CREBBP: variants seen among roughly 807,000 people sequenced by gnomAD.
The protein encoded by CREBBP is CREB-binding protein.
CREBBP carries 19 observed loss-of-function variants against 265.0 expected under a neutral mutation model. That is an observed-to-expected ratio of 0.07 (90% CI 0.05 to 0.11). CREBBP has a LOEUF of 0.11. Among genes scored for constraint, CREBBP ranks in the 10% least tolerant of loss-of-function variants. The pLI is 1.00. For missense variants in CREBBP, 2,525 were observed against 3,219.0 expected, an observed-to-expected ratio of 0.78 and a Z score of 5.22; for synonymous variants, 1,457 against 1,223.7, an observed-to-expected ratio of 1.19 and a Z score of -3.98.
intron 1 of CREBBP, among the ~76,000 whole-genome samples, chr16:3,859,769 G>A (rs1431216572): frequency 2.0e-5 from 3 of 152,208 alleles, no homozygotes; most frequent in Non-Finnish European, 4.4e-5. Flanking sequence ...ACACATGGAG[G>A]TTCCTGAAGA....
rs531001492 is a variant in CREBBP, at chr16:3,817,137, G to T, written c.799-6358C>A. ...TGGTTTTCAGAATGGTGAAACGGGT[G>T]TGTGTGATCACAGCAGATACACAAG... On this transcript the variant is annotated intron_variant, in intron 2 of 30. Coordinates refer to ENST00000262367, the MANE Select transcript of CREBBP (RefSeq NM_004380.3). Among the ~76,000 whole-genome samples, 6 of 152,334 alleles carry T rather than the reference G, an allele frequency of 3.9e-5. 1 individual carries two copies. The South Asian group carries it at 1.0e-3, about 26-fold the overall frequency.
chr16:3,792,869 C>A (rs1402351071), intron 4 of CREBBP, among the ~76,000 whole-genome samples: 1 of 152,224 alleles, frequency 6.6e-6, no homozygotes, highest in Non-Finnish European at 1.5e-5. Flanking sequence ...TGGGATGATA[C>A]AGTGCATAGT....
At chr16:3,814,499 A>G (rs889363658) in intron 2 of CREBBP, among the ~76,000 whole-genome samples, 1 of 151,970 alleles carries the variant, frequency 6.6e-6, no homozygotes, top group African/African-American at 2.4e-5. Context: ...CAAGTGATCC[A>G]TACACCTCAA....
At chr16:3,754,558 A>G (rs2052545779) in intron 19 of CREBBP, among the ~76,000 whole-genome samples, 1 of 152,196 alleles carries the variant, frequency 6.6e-6, no homozygotes, top group Admixed American at 6.5e-5. Context: ...GGAACTGCAT[A>G]GTTTATCTGT....
chr16:3,827,027 C>T (rs1226846544), intron 2 of CREBBP, among the ~76,000 whole-genome samples: 5 of 152,030 alleles, frequency 3.3e-5, no homozygotes, highest in East Asian at 3.9e-4. Flanking sequence ...TCAGTTGCAC[C>T]GCCTGTAGTT....
rs2151299878 is a variant in CREBBP at position 3,728,039 on chromosome 16, G to C, written c.7008C>G (p.Ala2336=). 6.2e-7 allele frequency: 1 copy of C among 1,612,484 alleles called. No homozygotes were observed. Among genetic ancestry groups the C allele is most frequent in the African/African-American group, 1.3e-5 (1 of 75,034 alleles). The change falls in exon 31 of 31, where the codon GCC becomes GCG. Residue 2336 remains alanine (A), a synonymous_variant. Transcript: ENST00000262367. This position sits in a 1 kb window ranked among gnomAD's most constrained non-coding sequence, Gnocchi z 8.7. ...QASHLPGQQI[A]TSLSNQVRSP... ...ACCGCACCTGGTTACTAAGGGACGT[G>C]GCGATCTGCTGGCCAGGGAGATGCG... is the stretch of plus-strand genomic sequence containing the variant.
At chr16:3,735,233 T>G (rs2052022827) in intron 28 of CREBBP, among the ~76,000 whole-genome samples, 1 of 152,190 alleles carries the variant, frequency 6.6e-6, no homozygotes, top group Non-Finnish European at 1.5e-5. Flanking sequence ...CACACCATGC[T>G]TGGGTCTGGG....
At chr16:3,759,011 G>A (rs1440348757) in intron 16 of CREBBP, 39 bp from the exon 17 acceptor site, 3 of 1,468,574 alleles carry the variant, frequency 2.0e-6, no homozygotes, top group Non-Finnish European at 1.9e-6. Flanking sequence ...TTTGTAAAAG[G>A]TGCTCAGATC....
In CREBBP at chr16:3,757,815, T is replaced by C; in HGVS notation, c.3603A>G (p.Gly1201=). Residue 1201 remains glycine, a synonymous_variant, in exon 18 of 31, where the codon GGA becomes GGG. Coordinates refer to ENST00000262367, the MANE Select transcript of CREBBP (RefSeq NM_004380.3). ...GAAAAACTTAAAACTGTACCTTGCG[T>C]CCACAGCAATATCCAAGGGACTGCA... ...PVMQSLGYCC[G]RKYEFSPQTL... 6.2e-7 allele frequency: 1 copy of C among 1,614,148 alleles called. No homozygotes were observed. The highest frequency in any genetic ancestry group is 8.5e-7 in the Non-Finnish European group (1 of 1,180,034).
intron 1 of CREBBP, among the ~76,000 whole-genome samples, chr16:3,877,429 G>T (rs945136050): frequency 6.6e-6 from 1 of 152,314 alleles, no homozygotes; most frequent in Non-Finnish European, 1.5e-5. Flanking sequence ...TGGAGACAGC[G>T]TCTCACTCCA....
rs910861282 is a variant in CREBBP at position 3,852,157 on chromosome 16, G to GTTTT, written c.86-1152_86-1149dup. On this transcript the variant is annotated intron_variant, in intron 1 of 30. Transcript: ENST00000262367. ...GGACAGTAAAGCCAATCTTAAATTTGTTTTTTTTTTTTTTTTTTTTTTTTT... is the reference window on the plus strand; with the variant it reads ...GGACAGTAAAGCCAATCTTAAATTTGTTTTTTTTTTTTTTTTTTTTTTTTTTTTT... 3.7e-4 allele frequency among the ~76,000 whole-genome samples: 19 copies of GTTTT among 50,914 alleles called. 3 individuals are homozygous for GTTTT. The highest frequency in any genetic ancestry group is 6.9e-4 in the South Asian group (1 of 1,456). The allele number at this position is 50,914 out of a possible 152,430, so 33.4% of individuals were successfully genotyped here. A position where few individuals can be genotyped will look rare whatever the true frequency, so the allele number is the denominator to read the frequency against.
intron 1 of CREBBP, among the ~76,000 whole-genome samples, chr16:3,855,522 C>T (rs796295397): frequency 4.6e-5 from 7 of 152,212 alleles, no homozygotes; most frequent in African/African-American, 1.7e-4. Flanking sequence ...GCCTAAGCCT[C>T]CCAAAGTGCT....
chr16:3,810,917 T>C (rs575756342), intron 2 of CREBBP, 138 bp from the exon 3 acceptor site: 111 of 861,402 alleles, frequency 1.3e-4, no homozygotes, highest in Admixed American at 1.0e-3. Context: ...GTTCACATGC[T>C]CCAAGCAGAA....
At chr16:3,736,577 G>C (rs988726092) in intron 27 of CREBBP, 73 bp downstream of exon 27, 6 of 1,590,916 alleles carry the variant, frequency 3.8e-6, no homozygotes, top group African/African-American at 2.7e-5. Context: ...GTATGCGAAT[G>C]CAAGAAAAAG....
intron 1 of CREBBP, among the ~76,000 whole-genome samples, chr16:3,871,174 ATC>A (rs762999259): frequency 0.022 from 2,859 of 127,270 alleles, 38 homozygotes; most frequent in East Asian, 0.06. Flanking sequence ...CCTTTTAGAG[ATC>A]TCTCTCTCTC....
At chr16:3,786,918 C>T (rs757026437) in intron 5 of CREBBP, among the ~76,000 whole-genome samples, 3 of 152,012 alleles carry the variant, frequency 2.0e-5, no homozygotes, top group Non-Finnish European at 2.9e-5. Flanking sequence ...GCTAAAAATA[C>T]ATAAAGTAGC....
At chr16:3,821,901 A>C (rs2054147768) in intron 2 of CREBBP, among the ~76,000 whole-genome samples, 1 of 152,114 alleles carries the variant, frequency 6.6e-6, no homozygotes, top group African/African-American at 2.4e-5. Context: ...ATGGTGGCAC[A>C]CACCTGTAGC....
In CREBBP at chr16:3,770,949, T is replaced by C. The variant is rs1205756499; in HGVS notation, c.2501A>G (p.Asn834Ser). 3.1e-6 allele frequency: 5 copies of C among 1,613,514 alleles called. No homozygotes were observed. The Admixed American group carries it at 8.3e-5, about 27-fold the overall frequency. The change falls in exon 14 of 31, where the codon AAC becomes AGC. Residue 834 changes from asparagine to serine, a missense_variant. Asn to Ser is a conservative substitution (Grantham distance 46). Transcript: ENST00000262367. Reference protein sequence around the residue: ...VPGAALPNPLNMLGPQASQLP... With the variant: ...VPGAALPNPLSMLGPQASQLP... ...CTGGCTGGCCTGAGGCCCCAGCATG[T>C]TGAGAGGGTTAGGAAGAGCAGCACC...
chr16:3,757,694 C>G (rs1189362076), intron 18 of CREBBP, 115 bp downstream of exon 18: 8 of 1,427,308 alleles, frequency 5.6e-6, no homozygotes, highest in Admixed American at 5.5e-5. Context: ...TGTCACCAGA[C>G]AGCAGATTGC....
Sources: gnomAD v4.1 joint callset for allele counts (sites outside exome capture counted in the v4.1 genomes callset) on GRCh38, gnomAD v4.1.1 for gene constraint, Gnocchi (gnomAD v3.1) non-coding constraint, MANE v1.5 for transcripts, NCBI Gene and HGNC (gene_info 2026-07-23, HGNC 2026-07-21) for gene names.